The following SND1 variants were observed in gnomAD, a reference collection of about 807,000 sequenced individuals.
The protein encoded by SND1 is staphylococcal nuclease domain-containing protein 1.
Under a neutral mutation model 121.7 loss-of-function variants are expected in SND1, and 38 were observed. The ratio of observed to expected loss-of-function variants is 0.31; its 90% confidence interval spans 0.24 to 0.41. The LOEUF (loss-of-function observed/expected upper bound fraction) is 0.41. SND1 is among the 10% of genes least tolerant of loss of function. The pLI is 1.00. For synonymous variants in SND1, 401 were observed against 447.4 expected, an observed-to-expected ratio of 0.90 and a Z score of 1.31; for missense variants, 868 against 1,184.6, an observed-to-expected ratio of 0.73 and a Z score of 3.92.
rs564878392 is a variant in SND1, at chr7:128,089,711, C to A, written c.2622+19C>A. The A allele has an allele frequency of 6.2e-7, 1 of 1,609,778 alleles. No individual in the cohort carries two copies. The highest frequency in any genetic ancestry group is 8.5e-7 in the Non-Finnish European group (1 of 1,176,836). On this transcript the variant is annotated intron_variant, in intron 22 of 23. Transcript: ENST00000354725. ...GAAAGTGGTATGTGATGTGGAGAGGCGGCCCCAGCATTGCGCCACCACCCT... is the reference window on the plus strand; with the variant it reads ...GAAAGTGGTATGTGATGTGGAGAGGAGGCCCCAGCATTGCGCCACCACCCT...
At chr7:127,801,995 CCAT>C (rs1226439435) in intron 10 of SND1, among the ~76,000 whole-genome samples, 1 of 152,126 alleles carries the variant, frequency 6.6e-6, no homozygotes, top group African/African-American at 2.4e-5. Context: ...GCACCCACCA[CCAT>C]GCTTGGCTAA....
intron 11 of SND1, among the ~76,000 whole-genome samples, 181 bp from the exon 12 acceptor site, chr7:127,844,141 CTT>C (rs777826137): frequency 1.3e-5 from 2 of 152,036 alleles, no homozygotes; most frequent in Non-Finnish European, 2.9e-5. Flanking sequence ...TTAGTTATGT[CTT>C]TTGCCAACAT....
chr7:127,800,825 C>G (rs1798113449), intron 10 of SND1, among the ~76,000 whole-genome samples: 1 of 152,230 alleles, frequency 6.6e-6, no homozygotes, highest in South Asian at 2.1e-4. Flanking sequence ...CATTCCACAT[C>G]AGTAACCATT....
chr7:127,951,872 G>T (rs1253603594), intron 15 of SND1, among the ~76,000 whole-genome samples: 1 of 152,182 alleles, frequency 6.6e-6, no homozygotes, highest in African/African-American at 2.4e-5. Context: ...AGCTGAGGAT[G>T]CTTTCTTTCT....
chr7:127,814,950 G>A (rs1798404519), intron 11 of SND1, among the ~76,000 whole-genome samples: 1 of 152,170 alleles, frequency 6.6e-6, no homozygotes, highest in Non-Finnish European at 1.5e-5. Flanking sequence ...TAAAAAATGA[G>A]CCCCTTGTTT....
At chr7:127,954,477 G>A (rs1341538078) in intron 15 of SND1, among the ~76,000 whole-genome samples, 1 of 151,952 alleles carries the variant, frequency 6.6e-6, no homozygotes, top group Non-Finnish European at 1.5e-5. Flanking sequence ...AGAGACTCTG[G>A]GGAGATCATC....
chr7:128,068,053 A>G (rs1452997770), intron 16 of SND1, among the ~76,000 whole-genome samples: 1 of 152,102 alleles, frequency 6.6e-6, no homozygotes, highest in Non-Finnish European at 1.5e-5. Context: ...AGGAGGCTTT[A>G]GGAGAGGGAC....
At chr7:127,722,530 A>T (rs1348397878) in intron 10 of SND1, among the ~76,000 whole-genome samples, 2 of 151,360 alleles carry the variant, frequency 1.3e-5, no homozygotes, top group Non-Finnish European at 3.0e-5. Flanking sequence ...AGGATGGGAT[A>T]AAAAAAATCC....
At chr7:127,919,226 G>A (rs1800649643) in intron 14 of SND1, among the ~76,000 whole-genome samples, 1 of 152,026 alleles carries the variant, frequency 6.6e-6, no homozygotes, top group Non-Finnish European at 1.5e-5. Context: ...TTGATTTTAA[G>A]GTAATTTTTA....
At chr7:127,918,005 A>C (rs540473368) in intron 14 of SND1, among the ~76,000 whole-genome samples, 1 of 152,148 alleles carries the variant, frequency 6.6e-6, no homozygotes, top group Non-Finnish European at 1.5e-5. Flanking sequence ...TCTGACCTTT[A>C]ATAATTTACA....
intron 10 of SND1, among the ~76,000 whole-genome samples, chr7:127,795,196 C>T (rs1797992695): frequency 6.6e-6 from 1 of 152,188 alleles, no homozygotes; most frequent in Admixed American, 6.5e-5. Context: ...TTCTTCTCAG[C>T]TCTACTTGCT....
At position 127,767,311 on chromosome 7, in the gene SND1, G is replaced by A. The variant is rs540689970; in HGVS notation, c.1153-40173G>A. Among the ~76,000 whole-genome samples, 3 of 152,302 alleles carry A rather than the reference G, an allele frequency of 2.0e-5. No individual in the cohort carries two copies. In the South Asian group the frequency reaches 6.2e-4, roughly 32 times the overall value. On this transcript the variant is annotated intron_variant, in intron 10 of 23. Coordinates refer to ENST00000354725, the MANE Select transcript of SND1 (RefSeq NM_014390.4). ...TGGTGAGATTTCCAACCAGATGCTT[G>A]CATGGTGGGGGCCCAGCTTCCTATC...
intron 13 of SND1, among the ~76,000 whole-genome samples, chr7:127,901,213 G>A (rs1800224595): frequency 6.6e-6 from 1 of 152,156 alleles, no homozygotes; most frequent in African/African-American, 2.4e-5. Flanking sequence ...AGAAGTGGTA[G>A]CAAGGCAGTA....
At chr7:127,665,961 G>A (rs574448454) in intron 1 of SND1, among the ~76,000 whole-genome samples, 79 of 152,282 alleles carry the variant, frequency 5.2e-4, no homozygotes, top group Admixed American at 4.1e-3. Context: ...GAGTACCTGG[G>A]TCCTGAAATC....
At chr7:127,796,890 CTTTTTTT>C (rs36078891) in intron 10 of SND1, among the ~76,000 whole-genome samples, 3 of 102,090 alleles carry the variant, frequency 2.9e-5, no homozygotes, top group African/African-American at 7.3e-5. Context: ...TTTCCTGAGT[CTTTTTTT>C]TTTTTTTTTT....
chr7:127,946,482 T>G (rs1005822790), intron 15 of SND1, among the ~76,000 whole-genome samples: 16 of 152,092 alleles, frequency 1.1e-4, no homozygotes, highest in African/African-American at 3.9e-4. Context: ...GCTTAGAGAG[T>G]GCAAGTTAGA....
chr7:127,992,076 C>T (rs1802536122), intron 16 of SND1, among the ~76,000 whole-genome samples: 2 of 152,156 alleles, frequency 1.3e-5, no homozygotes, highest in Admixed American at 6.5e-5. Flanking sequence ...CCTGAATTCT[C>T]AGTTCCATTT....
At chr7:127,695,844 T>C (rs1795998202) in intron 3 of SND1, among the ~76,000 whole-genome samples, 1 of 152,064 alleles carries the variant, frequency 6.6e-6, no homozygotes, top group Non-Finnish European at 1.5e-5. Context: ...AAAAATAGTA[T>C]ATGTAAAGCA....
intron 15 of SND1, among the ~76,000 whole-genome samples, chr7:127,935,245 A>G (rs1467995452): frequency 6.6e-6 from 1 of 152,220 alleles, no homozygotes; most frequent in African/African-American, 2.4e-5. Flanking sequence ...AGTAGTGCAG[A>G]AAGTAAAAGC....
Sources: gnomAD v4.1 joint callset for allele counts (sites outside exome capture counted in the v4.1 genomes callset) on GRCh38, gnomAD v4.1.1 for gene constraint, MANE v1.5 for transcripts, NCBI Gene and HGNC (gene_info 2026-07-23, HGNC 2026-07-21) for gene names.